MAML3: variants seen among roughly 807,000 people sequenced by gnomAD.
MAML3 encodes mastermind like transcriptional coactivator 3.
In MAML3, 27 loss-of-function variants were observed where a neutral mutation model predicts 101.9. The observed-to-expected ratio is 0.27, with a 90% CI of 0.20 to 0.37. MAML3 has a LOEUF of 0.37. Ranked by LOEUF, MAML3 falls within the 10% of genes least tolerant of loss-of-function variation. The pLI, the probability that MAML3 is intolerant of heterozygous loss-of-function variation, is 1.00. For synonymous variants in MAML3, 501 were observed against 555.9 expected (o/e 0.90, Z 1.39); for missense variants, 1,316 against 1,444.9 (o/e 0.91, Z 1.45).
intron 1 of MAML3, among the ~76,000 whole-genome samples, chr4:139,948,660 A>C (rs2110753475): frequency 6.6e-6 from 1 of 152,356 alleles, no homozygotes; most frequent in East Asian, 1.9e-4. Context: ...AGTGTAATCT[A>C]TTTCTAAAAA....
intron 1 of MAML3, among the ~76,000 whole-genome samples, chr4:139,993,809 C>G (rs1734750929): frequency 6.6e-6 from 1 of 151,738 alleles, no homozygotes; most frequent in East Asian, 1.9e-4. Context: ...GCCTGGGCAA[C>G]AAGAGCAAAA....
At chr4:139,781,587 T>C (rs917452194) in intron 2 of MAML3, among the ~76,000 whole-genome samples, 8 of 151,518 alleles carry the variant, frequency 5.3e-5, no homozygotes, top group African/African-American at 1.9e-4. Context: ...TTTGTTCTCC[T>C]GCATTAGGCA....
chr4:139,837,135 A>AAAAAG (rs1385030555), intron 2 of MAML3, among the ~76,000 whole-genome samples: 3 of 150,526 alleles, frequency 2.0e-5, no homozygotes, highest in Non-Finnish European at 4.4e-5. Context: ...AAAAAAAAAA[A>AAAAAG]AAAAGAAAAG....
intron 2 of MAML3, among the ~76,000 whole-genome samples, chr4:139,779,267 T>C (rs1398260529): frequency 6.6e-6 from 1 of 152,186 alleles, no homozygotes; most frequent in African/African-American, 2.4e-5. Context: ...ATGCTAATGA[T>C]TGATTCACAC....
At chr4:140,123,655 T>C (rs1054798115) in intron 1 of MAML3, among the ~76,000 whole-genome samples, 1 of 152,352 alleles carries the variant, frequency 6.6e-6, no homozygotes. Flanking sequence ...AAGTCCATTA[T>C]TGTTCCCCAC....
chr4:139,889,195 G>GA (rs768053401), intron 2 of MAML3, 162 bp downstream of exon 2: 19 of 1,361,122 alleles, frequency 1.4e-5, no homozygotes, highest in Non-Finnish European at 2.0e-5. Context: ...AGGAGAAATG[G>GA]AAAAAGAACA....
chr4:140,010,481 G>A lies in MAML3; in HGVS notation c.469-119514C>T, dbSNP rs561005608. Among the ~76,000 whole-genome samples, 4 of 151,992 alleles carry A rather than the reference G, an allele frequency of 2.6e-5. No homozygotes were observed. The South Asian group carries it at 6.2e-4, about 24-fold the overall frequency. ...TGCTTTTTAATTCCTTCTTTTCATC[G>A]GGGTAGATCAGTTTAAACAATTTAA... On this transcript the variant is annotated intron_variant, in intron 1 of 4. Transcript: ENST00000509479.
At chr4:139,821,674 C>T (rs1386131964) in intron 2 of MAML3, among the ~76,000 whole-genome samples, 1 of 152,330 alleles carries the variant, frequency 6.6e-6, no homozygotes, top group Admixed American at 6.5e-5. Flanking sequence ...GGGAAGCTGG[C>T]CTAGGCTTCC....
intron 2 of MAML3, among the ~76,000 whole-genome samples, chr4:139,806,610 A>G (rs985309582): frequency 6.6e-6 from 1 of 152,150 alleles, no homozygotes; most frequent in African/African-American, 2.4e-5. Context: ...AAGAATCTAC[A>G]CTATGAAAAC....
intron 4 of MAML3, among the ~76,000 whole-genome samples, chr4:139,723,319 C>A (rs916960084): frequency 6.6e-6 from 1 of 151,788 alleles, no homozygotes; most frequent in Non-Finnish European, 1.5e-5. Context: ...TTTTTTGTTT[C>A]TTTTTTCTGG....
intron 1 of MAML3, among the ~76,000 whole-genome samples, chr4:140,116,336 C>A (rs1044440652): frequency 4.6e-5 from 7 of 152,068 alleles, no homozygotes; most frequent in Non-Finnish European, 8.8e-5. Context: ...TATCCAGGGC[C>A]CCCAGGGAAT....
At chr4:140,025,916 C>T (rs745650279) in intron 1 of MAML3, among the ~76,000 whole-genome samples, 10 of 152,206 alleles carry the variant, frequency 6.6e-5, no homozygotes, top group Non-Finnish European at 1.3e-4. Flanking sequence ...TGAGGTATGC[C>T]TGTGTGCAGG....
chr4:139,743,278 G>A (rs1729221099), intron 2 of MAML3, among the ~76,000 whole-genome samples: 1 of 152,222 alleles, frequency 6.6e-6, no homozygotes, highest in South Asian at 2.1e-4. Flanking sequence ...GGTGATTAAT[G>A]CTGGAGTAGG....
chr4:139,840,185 T>C (rs889462235), intron 2 of MAML3, among the ~76,000 whole-genome samples: 1 of 152,222 alleles, frequency 6.6e-6, no homozygotes. Flanking sequence ...CCCTGGCTTC[T>C]GGCCCCTGGG....
chr4:139,832,259 T>C (rs2111134996), intron 2 of MAML3, among the ~76,000 whole-genome samples: 1 of 151,222 alleles, frequency 6.6e-6, no homozygotes, highest in South Asian at 2.1e-4. Context: ...CGTGTGCCAC[T>C]ACGCCCAGCT....
intron 2 of MAML3, among the ~76,000 whole-genome samples, chr4:139,767,292 G>A (rs1729880619): frequency 6.6e-6 from 1 of 152,200 alleles, no homozygotes; most frequent in Non-Finnish European, 1.5e-5. Flanking sequence ...CTATGTTGAT[G>A]TCAACCTCAA....
intron 2 of MAML3, among the ~76,000 whole-genome samples, chr4:139,860,226 A>G (rs1333443400): frequency 6.6e-6 from 1 of 152,208 alleles, no homozygotes; most frequent in East Asian, 1.9e-4. Context: ...TCCTGCGTTC[A>G]CCAGCGCCCA....
At chr4:139,772,028 A>T (rs552311538) in intron 2 of MAML3, among the ~76,000 whole-genome samples, 17 of 151,034 alleles carry the variant, frequency 1.1e-4, no homozygotes, top group South Asian at 1.0e-3. Flanking sequence ...TCACGAGGTC[A>T]GCAGATCCAG....
chr4:139,934,268 AGT>A (rs1240749225), intron 1 of MAML3, among the ~76,000 whole-genome samples: 1 of 151,264 alleles, frequency 6.6e-6, no homozygotes, highest in Non-Finnish European at 1.5e-5. Context: ...TGTGTGTAAG[AGT>A]GTGTGGGACT....
Sources: gnomAD v4.1 joint callset for allele counts (sites outside exome capture counted in the v4.1 genomes callset) on GRCh38, gnomAD v4.1.1 for gene constraint, MANE v1.5 for transcripts, NCBI Gene and HGNC (gene_info 2026-07-23, HGNC 2026-07-21) for gene names.